Variants in CBL observed in about 807,000 individuals in gnomAD.
CBL encodes Cbl proto-oncogene, also known as E3 ubiquitin-protein ligase CBL.
Under a neutral mutation model 96.9 loss-of-function variants are expected in CBL, and 45 were observed. That is an observed-to-expected ratio of 0.46 (90% confidence interval 0.37 to 0.60). CBL has a LOEUF of 0.60. Among genes scored for constraint, CBL ranks in the 20% least tolerant of loss-of-function variants. The pLI, the probability that CBL is intolerant of heterozygous loss-of-function variation, is 0.00. For synonymous variants in CBL, 420 were observed against 426.8 expected (o/e 0.98, Z 0.20); for missense variants, 1,024 against 1,143.5 (o/e 0.90, Z 1.51).
intron 9 of CBL, among the ~76,000 whole-genome samples, chr11:119,279,372 A>G (rs531617013): frequency 3.8e-4 from 58 of 152,080 alleles, no homozygotes; most frequent in African/African-American, 1.0e-3. Context: ...AAAGCTGGGT[A>G]TGGTGTTGTG....
chr11:119,306,083 G>A lies in CBL; in HGVS notation c.*6302G>A. 5.1e-6 allele frequency: 2 copies of A among 390,856 alleles called. No homozygotes were observed. The highest frequency in any genetic ancestry group is 9.0e-6 in the Non-Finnish European group (2 of 221,594). The allele number at this position is 390,856 out of a possible 1,614,324, so 24.2% of individuals were successfully genotyped here. A position where few individuals can be genotyped will look rare whatever the true frequency, so the allele number is the denominator to read the frequency against. On this transcript the variant is annotated 3_prime_UTR_variant, in exon 16 of 16. Coordinates refer to ENST00000264033, the MANE Select transcript of CBL (RefSeq NM_005188.4). The stretch of plus-strand genomic sequence containing the variant: ...CAGTGGGAAATACCAGTATTTCTTG[G>A]TTCTGGAAAGTAGCAAAAGAGTAGG...
At chr11:119,218,179 G>T (rs892943695) in intron 1 of CBL, among the ~76,000 whole-genome samples, 6 of 152,172 alleles carry the variant, frequency 3.9e-5, no homozygotes, top group Non-Finnish European at 5.9e-5. Flanking sequence ...TGTAGTAGTT[G>T]CTGGGGAGTT....
chr11:119,284,914 A>G (rs112763987), intron 9 of CBL, 55 bp from the exon 10 acceptor site: 19 of 1,607,868 alleles, frequency 1.2e-5, no homozygotes, highest in Non-Finnish European at 1.3e-5. Flanking sequence ...AGGAGAGTTG[A>G]AAGATGCCAT....
At chr11:119,297,589 C>G (rs1950073202) in intron 14 of CBL, 108 bp downstream of exon 14, 1 of 823,360 alleles carries the variant, frequency 1.2e-6, no homozygotes, top group Non-Finnish European at 2.1e-6. Context: ...TCTTCTGTAG[C>G]TGGGACTACA....
chr11:119,231,730 A>G (rs1292491386), intron 1 of CBL, among the ~76,000 whole-genome samples: 2 of 152,014 alleles, frequency 1.3e-5, no homozygotes, highest in Non-Finnish European at 2.9e-5. Flanking sequence ...AAACAAACAA[A>G]GCTCAAGACC....
chr11:119,275,426 G>A (rs566718783), intron 5 of CBL, among the ~76,000 whole-genome samples: 2 of 151,768 alleles, frequency 1.3e-5, no homozygotes, highest in South Asian at 2.1e-4. Context: ...CAATAAGAGC[G>A]AAACCCCATC....
At chr11:119,259,985 G>A (rs577831519) in intron 2 of CBL, among the ~76,000 whole-genome samples, 2 of 152,206 alleles carry the variant, frequency 1.3e-5, no homozygotes, top group South Asian at 4.1e-4. Flanking sequence ...CTAGCAAATG[G>A]ACCGTTCCAT....
In CBL at chr11:119,225,810, C is replaced by T. The variant is rs558678036; in HGVS notation, c.196-6638C>T. ...AGGTGCTACCTCAGCTCGCTGCAAC[C>T]TCCGCCTCCCGGGTTCAACCGATTC... On this transcript the variant is annotated intron_variant, in intron 1 of 15. Coordinates refer to ENST00000264033, the MANE Select transcript of CBL (RefSeq NM_005188.4). Among the ~76,000 whole-genome samples, 14 of 145,326 alleles carry T rather than the reference C, an allele frequency of 9.6e-5. No individual in the cohort carries two copies. The South Asian group carries it at 2.9e-3, about 30-fold the overall frequency.
chr11:119,293,325 C>A (rs1436221625), intron 12 of CBL, among the ~76,000 whole-genome samples: 1 of 152,106 alleles, frequency 6.6e-6, no homozygotes, highest in East Asian at 1.9e-4. Flanking sequence ...CCAGGCTGGT[C>A]TTGAACTCCT....
chr11:119,275,124 TA>T (rs569184794), intron 5 of CBL, among the ~76,000 whole-genome samples, 171 bp downstream of exon 5: 2 of 152,230 alleles, frequency 1.3e-5, no homozygotes, highest in Non-Finnish European at 2.9e-5. Flanking sequence ...TATAATTTGA[TA>T]AATGTTTTCA....
chr11:119,298,767 T>C (rs1019695193), intron 15 of CBL, among the ~76,000 whole-genome samples: 1 of 152,216 alleles, frequency 6.6e-6, no homozygotes, highest in Non-Finnish European at 1.5e-5. Flanking sequence ...GCTCTTCTTA[T>C]GTTAGGGGTA....
At chr11:119,295,672 G>C (rs987149641) in intron 12 of CBL, among the ~76,000 whole-genome samples, 1 of 152,198 alleles carries the variant, frequency 6.6e-6, no homozygotes, top group Middle Eastern at 3.4e-3. Flanking sequence ...GGCTGCAGTG[G>C]GTTGTCATCA....
intron 2 of CBL, among the ~76,000 whole-genome samples, chr11:119,258,220 A>G (rs764519628): frequency 7.9e-5 from 12 of 152,296 alleles, no homozygotes; most frequent in Non-Finnish European, 1.5e-4. Flanking sequence ...AAGTGAGACT[A>G]CGTCTCAAAA....
rs1374744428 is a variant in CBL at position 119,302,756 on chromosome 11, C to A, written c.*2975C>A. ...GAAAAACCTGTGGGCTCTTCATATA[C>A]CTCCCTTTAGTTAAGTAATAGACCA... On this transcript the variant is annotated 3_prime_UTR_variant, in exon 16 of 16. Coordinates refer to ENST00000264033, the MANE Select transcript of CBL (RefSeq NM_005188.4). The A allele has an allele frequency of 1.7e-5, 4 of 230,642 alleles. No homozygotes were observed. The highest frequency in any genetic ancestry group is 2.2e-5 in the African/African-American group (1 of 45,170). The allele number at this position is 230,642 out of a possible 1,614,324, so 14.3% of individuals were successfully genotyped here. A position where few individuals can be genotyped will look rare whatever the true frequency, so the allele number is the denominator to read the frequency against.
intron 9 of CBL, among the ~76,000 whole-genome samples, chr11:119,284,412 C>T (rs1443738674): frequency 2.6e-5 from 4 of 151,962 alleles, no homozygotes; most frequent in Admixed American, 2.0e-4. Context: ...CTCAAGCAGT[C>T]TTCCTGTTTT....
At chr11:119,209,616 C>CA (rs35580329) in intron 1 of CBL, among the ~76,000 whole-genome samples, 3,257 of 132,440 alleles carry the variant, frequency 0.025, 83 homozygotes, top group African/African-American at 0.074. Context: ...GACTCCGTCT[C>CA]AAAAAAAAAA....
rs1949734340 is a variant in CBL, at chr11:119,259,302, TA to T, written c.444-12431del. Among the ~76,000 whole-genome samples, 3 of 152,124 alleles carry T rather than the reference TA, an allele frequency of 2.0e-5. No individual in the cohort carries two copies. In the South Asian group the frequency reaches 6.2e-4, roughly 32 times the overall value. On this transcript the variant is annotated intron_variant, in intron 2 of 15. Transcript: ENST00000264033. ...CTCTTGCCTAATTGCTGTGCCTGGG[TA>T]AGTTGGTAGTCTTATGTGGCTTTAA... is the stretch of plus-strand genomic sequence containing the variant.
chr11:119,288,894 A>G lies in CBL; in HGVS notation c.2036+948A>G, dbSNP rs148017440. ...ATGATTTTAGGGGGAACACAAACAG[A>G]TGTTTTACGGTATTCCACCCATTTT... On this transcript the variant is annotated intron_variant, in intron 12 of 15. Coordinates refer to ENST00000264033, the MANE Select transcript of CBL (RefSeq NM_005188.4). 6.0e-3 allele frequency among the ~76,000 whole-genome samples: 912 copies of G among 152,306 alleles called. 10 individuals are homozygous for G. The highest frequency in any genetic ancestry group is 5.6e-3 in the Non-Finnish European group (381 of 68,036).
chr11:119,227,184 G>A (rs986554570), intron 1 of CBL, among the ~76,000 whole-genome samples: 1 of 152,102 alleles, frequency 6.6e-6, no homozygotes, highest in Non-Finnish European at 1.5e-5. Flanking sequence ...CAGTTATTCA[G>A]CACTTTATAA....
Sources: allele counts gnomAD v4.1 joint callset (sites outside exome capture counted in the v4.1 genomes callset), GRCh38; gene constraint gnomAD v4.1.1; transcripts MANE v1.5; gene names NCBI Gene and HGNC (gene_info 2026-07-23, HGNC 2026-07-21).